GLYATL2: variants seen among roughly 807,000 people sequenced by gnomAD.
GLYATL2 encodes glycine N-acyltransferase-like protein 2.
A neutral mutation model predicts 21.4 loss-of-function variants in GLYATL2; 25 were observed. That is an observed-to-expected ratio of 1.17 (90% confidence interval 0.85 to 1.63). The LOEUF is 1.63. GLYATL2 is among the 40% of genes most tolerant of loss of function. The pLI is 0.00. For missense variants in GLYATL2, 361 were observed against 343.3 expected (o/e 1.05, Z -0.41); for synonymous variants, 114 against 118.2 (o/e 0.96, Z 0.23).
intron 1 of GLYATL2, among the ~76,000 whole-genome samples, chr11:58,859,449 C>A (rs647364): frequency 1.3e-5 from 2 of 152,196 alleles, no homozygotes; most frequent in East Asian, 3.9e-4. Flanking sequence ...CTATTCAGGG[C>A]CTTTGCCCAT....
rs745316737 is a variant in GLYATL2, at chr11:58,838,260, C to T, written c.186+1G>A. On this transcript the variant is annotated splice_donor_variant, in intron 3 of 5. Transcript: ENST00000287275. LOFTEE classifies it high-confidence loss of function. ...TCATATTCAGTAACTATTGCTCCTA[C>T]CTGTTTCTGAGGCCGGGTAATGACG... 6.3e-6 allele frequency: 10 copies of T among 1,597,098 alleles called. No homozygotes were observed. In the Admixed American group the frequency reaches 1.7e-4, roughly 27 times the overall value.
chr11:58,880,868 G>A (rs996991999), intron 1 of GLYATL2, among the ~76,000 whole-genome samples: 9 of 152,178 alleles, frequency 5.9e-5, no homozygotes, highest in African/African-American at 2.2e-4. Context: ...TTTGACCTCA[G>A]ACAAGACAAA....
At chr11:58,882,792 C>G (rs1854364404) in intron 1 of GLYATL2, among the ~76,000 whole-genome samples, 1 of 152,194 alleles carries the variant, frequency 6.6e-6, no homozygotes, top group Non-Finnish European at 1.5e-5. Flanking sequence ...TTTCAGCTTT[C>G]TACATATGGC....
Position 58,878,483 on chromosome 11 carries a change from C to T in GLYATL2, n.60+25673G>A, listed in dbSNP as rs117909925. ...ATCGAAACTGGGTTTGGAGTTGCAA[C>T]AGAAAATGGACTAGGTCTAGGAATG... On this transcript the variant is annotated intron_variant and non_coding_transcript_variant, in intron 1 of 4. Coordinates refer to the GLYATL2 transcript ENST00000533636. 6.1e-3 allele frequency: 1,324 copies of T among 218,268 alleles called. 4 individuals carry two copies. The highest frequency in any genetic ancestry group is 0.013 in the South Asian group (86 of 6,428). The allele number at this position is 218,268 out of a possible 1,614,324, so 13.5% of individuals were successfully genotyped here.
chr11:58,901,212 G>T (rs534295524), intron 1 of GLYATL2, among the ~76,000 whole-genome samples: 153 of 152,242 alleles, frequency 1.0e-3, no homozygotes, highest in African/African-American at 3.6e-3. Context: ...CAGCTGAACG[G>T]ACTCACTTCT....
intron 3 of GLYATL2, among the ~76,000 whole-genome samples, chr11:58,837,806 G>T (rs755531508): frequency 1.3e-5 from 2 of 152,282 alleles, no homozygotes; most frequent in Non-Finnish European, 2.9e-5. Flanking sequence ...ATTGGCTCTT[G>T]GTGTGCATGT....
chr11:58,891,552 C>A (rs1254834354), intron 1 of GLYATL2, among the ~76,000 whole-genome samples: 1 of 152,168 alleles, frequency 6.6e-6, no homozygotes, highest in Admixed American at 6.5e-5. Context: ...TCCCATCACA[C>A]TGGTAGTGAG....
At position 58,886,149 on chromosome 11, in the gene GLYATL2, C is replaced by G. The variant is rs145168372; in HGVS notation, n.60+18007G>C. On this transcript the variant is annotated intron_variant and non_coding_transcript_variant, in intron 1 of 4. Transcript: ENST00000533636. The stretch of plus-strand genomic sequence containing the variant: ...GAGGATGGCTTGAGCCCCAGGAGGT[C>G]GAGGTTGCATTGAGCCAAGATCACA... Among the ~76,000 whole-genome samples, 1,476 of 152,138 alleles carry G rather than the reference C, an allele frequency of 9.7e-3. 27 individuals are homozygous for G. Among genetic ancestry groups the G allele is most frequent in the African/African-American group, 0.034 (1,393 of 41,492 alleles).
At chr11:58,850,134 G>C (rs1853713339) in intron 1 of GLYATL2, among the ~76,000 whole-genome samples, 2 of 152,026 alleles carry the variant, frequency 1.3e-5, no homozygotes, top group Non-Finnish European at 2.9e-5. Flanking sequence ...AGCAAACCCT[G>C]GTAAAAGTGG....
At chr11:58,886,712 T>C (rs1854447744) in intron 1 of GLYATL2, among the ~76,000 whole-genome samples, 1 of 152,186 alleles carries the variant, frequency 6.6e-6, no homozygotes, top group Non-Finnish European at 1.5e-5. Flanking sequence ...TTTTTTGTCC[T>C]AAAGACTCCC....
At chr11:58,879,365 T>C (rs1190843903) in intron 1 of GLYATL2, among the ~76,000 whole-genome samples, 1 of 152,198 alleles carries the variant, frequency 6.6e-6, no homozygotes, top group Non-Finnish European at 1.5e-5. Context: ...TATATTTTGC[T>C]TTTTTTACCC....
At chr11:58,883,389 A>C (rs1854378109) in intron 1 of GLYATL2, among the ~76,000 whole-genome samples, 1 of 152,218 alleles carries the variant, frequency 6.6e-6, no homozygotes, top group African/African-American at 2.4e-5. Flanking sequence ...AGGGGATATC[A>C]CCACCAATCC....
intron 1 of GLYATL2, among the ~76,000 whole-genome samples, chr11:58,872,458 T>C (rs184622153): frequency 3.7e-4 from 56 of 152,362 alleles, no homozygotes; most frequent in African/African-American, 1.2e-3. Flanking sequence ...AATTGATTTT[T>C]GTATAAGGTG....
chr11:58,860,618 G>A (rs1853914066), intron 1 of GLYATL2, among the ~76,000 whole-genome samples: 1 of 151,984 alleles, frequency 6.6e-6, no homozygotes, highest in African/African-American at 2.4e-5. Flanking sequence ...ATTGCTCTGA[G>A]TAGAACTTCC....
intron 1 of GLYATL2, among the ~76,000 whole-genome samples, chr11:58,877,857 G>T (rs1281852213): frequency 6.6e-6 from 1 of 152,198 alleles, no homozygotes; most frequent in African/African-American, 2.4e-5. Context: ...AGTCTGAGAA[G>T]GACTCTGTAC....
At chr11:58,884,034 C>A (rs1336640354) in intron 1 of GLYATL2, among the ~76,000 whole-genome samples, 2 of 152,192 alleles carry the variant, frequency 1.3e-5, no homozygotes, top group Non-Finnish European at 2.9e-5. Flanking sequence ...ACGCTAAAAA[C>A]TCTCAATAAA....
chr11:58,895,373 G>A (rs1854616414), intron 1 of GLYATL2, among the ~76,000 whole-genome samples: 1 of 110,874 alleles, frequency 9.0e-6, no homozygotes, highest in Non-Finnish European at 2.1e-5. Context: ...CAAGAAGCAT[G>A]CATTAATCTG....
intron 1 of GLYATL2, among the ~76,000 whole-genome samples, chr11:58,884,328 G>C (rs622512): frequency 0.91 from 138,007 of 152,216 alleles, 63,241 homozygotes; most frequent in Non-Finnish European, 0.98. Flanking sequence ...ATTGTCTCAG[G>C]GAAAAATCTT....
upstream of GLYATL2, among the ~76,000 whole-genome samples, chr11:58,848,365 G>T (rs1853680385): frequency 6.6e-6 from 1 of 152,084 alleles, no homozygotes; most frequent in Non-Finnish European, 1.5e-5. Context: ...TAAGACACCT[G>T]GGACCAATCC....
Sources: gnomAD v4.1 joint callset for allele counts (sites outside exome capture counted in the v4.1 genomes callset) on GRCh38, gnomAD v4.1.1 for gene constraint, MANE v1.5 for transcripts, NCBI Gene and HGNC (gene_info 2026-07-23, HGNC 2026-07-21) for gene names.